PCNX1: variants seen among roughly 807,000 people sequenced by gnomAD.
PCNX1 encodes pecanex 1, also known as pecanex-like protein 1.
In PCNX1, 78 loss-of-function variants were observed where a neutral mutation model predicts 242.2. The observed-to-expected ratio is 0.32, with a 90% CI of 0.27 to 0.39. The LOEUF (loss-of-function observed/expected upper bound fraction) is 0.39. Among genes scored for constraint, PCNX1 ranks in the 10% least tolerant of loss-of-function variants. The pLI, the probability that PCNX1 is intolerant of heterozygous loss-of-function variation, is 1.00. For missense variants in PCNX1, 2,581 were observed against 2,856.5 expected (o/e 0.90, Z 2.20); for synonymous variants, 1,024 against 1,032.9 (o/e 0.99, Z 0.17).
chr14:70,927,712 C>T (rs1035305412), intron 1 of PCNX1, among the ~76,000 whole-genome samples: 8 of 152,104 alleles, frequency 5.3e-5, no homozygotes, highest in African/African-American at 1.7e-4. Context: ...GCCTCAGGCT[C>T]CCTAGTAATT....
chr14:70,977,523 A>G lies in PCNX1; in HGVS notation c.1186A>G (p.Thr396Ala), dbSNP rs1566647720. The G allele has an allele frequency of 1.9e-6, 3 of 1,614,214 alleles. No individual in the cohort carries two copies. The highest frequency in any genetic ancestry group is 2.5e-6 in the Non-Finnish European group (3 of 1,180,038). ...CSGTDRDTNSTVSSYKSEQTS... is the reference protein window; with the variant it reads ...CSGTDRDTNSAVSSYKSEQTS... ...TGGAACGGACCGGGACACTAACAGT[A>G]CTGTCAGCAGCTATAAAAGTGAGCA... Residue 396 changes from threonine to alanine, a missense_variant, in exon 6 of 36, where the codon ACT (threonine) becomes GCT (alanine). Coordinates refer to ENST00000304743, the MANE Select transcript of PCNX1 (RefSeq NM_014982.3).
At chr14:71,051,733 T>C in intron 23 of PCNX1, 150 bp from the exon 24 acceptor site, 1 of 669,266 alleles carries the variant, frequency 1.5e-6, no homozygotes, top group Non-Finnish European at 2.5e-6. Context: ...CCTTAATGAC[T>C]GCCCAGTGAT....
intron 26 of PCNX1, among the ~76,000 whole-genome samples, chr14:71,072,655 G>GC (rs1290815197): frequency 2.0e-5 from 3 of 152,108 alleles, no homozygotes; most frequent in Non-Finnish European, 2.9e-5. Context: ...AAATTATTGT[G>GC]CAGCCTGATT....
rs1566660390 is a variant in PCNX1, at chr14:70,985,277, CG to C, written c.2312-3289del. Among the ~76,000 whole-genome samples the C allele has an allele frequency of 2.0e-5, 3 of 152,246 alleles. No individual in the cohort carries two copies. The East Asian group carries it at 5.8e-4, about 29-fold the overall frequency. On this transcript the variant is annotated intron_variant, in intron 6 of 35. Coordinates refer to ENST00000304743, the MANE Select transcript of PCNX1 (RefSeq NM_014982.3). ...TTGCCTAGGCTGGAGTGCAGTGGCA[CG>C]ATCTTGGCTCACTGCAACCTCCGCC...
At chr14:71,030,016 T>C (rs1245876646) in intron 16 of PCNX1, among the ~76,000 whole-genome samples, 1 of 152,220 alleles carries the variant, frequency 6.6e-6, no homozygotes, top group Non-Finnish European at 1.5e-5. Flanking sequence ...TGTGTATTCA[T>C]TTCTCTTGGG....
chr14:70,928,838 CTTTAT>C (rs1566578162), intron 1 of PCNX1, among the ~76,000 whole-genome samples: 2 of 152,174 alleles, frequency 1.3e-5, no homozygotes, highest in African/African-American at 2.4e-5. Context: ...TACCTTTCTG[CTTTAT>C]TTTAATAACC....
chr14:70,951,213 T>C (rs886750094), intron 2 of PCNX1, among the ~76,000 whole-genome samples: 6 of 152,222 alleles, frequency 3.9e-5, no homozygotes, highest in Admixed American at 6.5e-5. Flanking sequence ...TATATACTTA[T>C]GCTAGTTTCT....
rs1046870052 is a variant in PCNX1 at position 70,971,115 on chromosome 14, G to GTTTTTTTTTTTTTTTTTTTTT, written c.604+2025_604+2045dup. ...AATCTATGCTATACTACTTTATATA[G>GTTTTTTTTTTTTTTTTTTTTT]TTTTTTTTTTTTTTTTTTTTTTTTT... On this transcript the variant is annotated intron_variant, in intron 5 of 35. Coordinates refer to ENST00000304743, the MANE Select transcript of PCNX1 (RefSeq NM_014982.3). 2.8e-4 allele frequency among the ~76,000 whole-genome samples: 4 copies of GTTTTTTTTTTTTTTTTTTTTT among 14,518 alleles called. 2 individuals are homozygous for GTTTTTTTTTTTTTTTTTTTTT. Among genetic ancestry groups the GTTTTTTTTTTTTTTTTTTTTT allele is most frequent in the African/African-American group, 5.8e-4 (2 of 3,452 alleles). The allele number at this position is 14,518 out of a possible 152,430, so 9.5% of individuals were successfully genotyped here.
chr14:71,010,580 C>T (rs2059796173), intron 9 of PCNX1, among the ~76,000 whole-genome samples: 1 of 152,010 alleles, frequency 6.6e-6, no homozygotes, highest in African/African-American at 2.4e-5. Context: ...AAATCTTGAT[C>T]ATATAACATC....
intron 2 of PCNX1, among the ~76,000 whole-genome samples, chr14:70,952,054 T>C (rs1206466300): frequency 6.6e-6 from 1 of 152,214 alleles, no homozygotes; most frequent in Non-Finnish European, 1.5e-5. Flanking sequence ...AGAAGCTACT[T>C]AAGCTTTTGA....
Position 70,949,428 on chromosome 14 carries a change from C to A in PCNX1, c.362+2305C>A, listed in dbSNP as rs534529059. Among the ~76,000 whole-genome samples, 16 of 150,560 alleles carry A rather than the reference C, an allele frequency of 1.1e-4. No individual in the cohort carries two copies. In the South Asian group the frequency reaches 2.9e-3, roughly 28 times the overall value. ...GTACATATATATGTACATATATACA[C>A]GTATATATGTGTATATATGTATAAT... On this transcript the variant is annotated intron_variant, in intron 2 of 35. Transcript: ENST00000304743.
chr14:71,075,849 G>A (rs969899443), intron 27 of PCNX1, among the ~76,000 whole-genome samples: 107 of 152,076 alleles, frequency 7.0e-4, no homozygotes, highest in African/African-American at 2.4e-3. Flanking sequence ...TTATGCCATC[G>A]CACTCTAGCA....
At chr14:71,108,334 A>G (rs2062679217) in intron 33 of PCNX1, among the ~76,000 whole-genome samples, 1 of 152,234 alleles carries the variant, frequency 6.6e-6, no homozygotes, top group African/African-American at 2.4e-5. Flanking sequence ...TTGCTGTAAA[A>G]TATTTAATTA....
In PCNX1 at chr14:71,102,122, C is replaced by T. The variant is rs1595508738; in HGVS notation, c.5722C>T (p.Pro1908Ser). Residue 1908 changes from proline to serine, a missense_variant, in exon 31 of 36, where the codon CCC (proline) becomes TCC (serine). Transcript: ENST00000304743. Reference protein sequence around the residue: ...AWRSAVLANSPSLLALRHVMD... With the variant: ...AWRSAVLANSSSLLALRHVMD... ...GCGGAGTGCAGTACTTGCCAACTCT[C>T]CCTCCTTGCTTGCTCTGCGGCATGT... 6.2e-7 allele frequency: 1 copy of T among 1,614,008 alleles called. No individual in the cohort carries two copies.
chr14:71,048,608 A>C (rs193048477), intron 22 of PCNX1, among the ~76,000 whole-genome samples: 2 of 152,242 alleles, frequency 1.3e-5, no homozygotes, highest in African/African-American at 4.8e-5. Flanking sequence ...ATTCAATTTC[A>C]TGTTAACACT....
intron 30 of PCNX1, among the ~76,000 whole-genome samples, chr14:71,095,402 T>G (rs1251924669): frequency 6.6e-6 from 1 of 152,216 alleles, no homozygotes; most frequent in Non-Finnish European, 1.5e-5. Flanking sequence ...CCTGTGCATC[T>G]GCTTGTAGCA....
At chr14:71,077,895 AT>A (rs909215465) in intron 28 of PCNX1, among the ~76,000 whole-genome samples, 3 of 152,214 alleles carry the variant, frequency 2.0e-5, no homozygotes, top group African/African-American at 4.8e-5. Flanking sequence ...GATATTGGCT[AT>A]TTTGTTATGA....
intron 2 of PCNX1, among the ~76,000 whole-genome samples, chr14:70,958,898 C>CTTT (rs56362741): frequency 0.16 from 10,682 of 66,394 alleles, 2,995 homozygotes; most frequent in South Asian, 0.24. Context: ...TTTGGGGTTG[C>CTTT]TTTTTTTTTT....
chr14:71,102,285 T>G (rs1031722803), intron 31 of PCNX1, 65 bp downstream of exon 31: 3 of 1,289,988 alleles, frequency 2.3e-6, no homozygotes, highest in African/African-American at 2.9e-5. Context: ...CTAAAATTTT[T>G]TTTTTTTGAG....
Sources: allele counts gnomAD v4.1 joint callset (sites outside exome capture counted in the v4.1 genomes callset), GRCh38; gene constraint gnomAD v4.1.1; transcripts MANE v1.5; gene names NCBI Gene and HGNC (gene_info 2026-07-23, HGNC 2026-07-21).